Variants in ASIC2 observed in about 807,000 individuals in gnomAD.
ASIC2 encodes the protein acid-sensing ion channel 2.
ASIC2 carries 25 observed loss-of-function variants against 57.3 expected under a neutral mutation model. The observed-to-expected ratio is 0.44, with a 90% CI of 0.32 to 0.61. ASIC2 has a LOEUF of 0.61. Ranked by LOEUF, ASIC2 falls within the 20% of genes least tolerant of loss-of-function variation. The pLI, the probability that ASIC2 is intolerant of heterozygous loss-of-function variation, is 0.06. For missense variants in ASIC2, 641 were observed against 738.1 expected (o/e 0.87, Z 1.52); for synonymous variants, 319 against 307.5 (o/e 1.04, Z -0.39).
rs557384525 is a variant in ASIC2, at chr17:34,087,553, G to A, written c.555+68425C>T. Among the ~76,000 whole-genome samples, 50 of 149,750 alleles carry A rather than the reference G, an allele frequency of 3.3e-4. No homozygotes were observed. In the South Asian group the frequency reaches 6.4e-3, roughly 19 times the overall value. On this transcript the variant is annotated intron_variant, in intron 1 of 9. Transcript: ENST00000359872. ...TCTTCTCGAGGAGTATCTTTGTGGC[G>A]TTCTCTCTATTTCCTGAATCTGAAT...
At chr17:33,594,449 T>TG (rs1428796310) in intron 1 of ASIC2, among the ~76,000 whole-genome samples, 1 of 152,254 alleles carries the variant, frequency 6.6e-6, no homozygotes, top group African/African-American at 2.4e-5. Flanking sequence ...AACATCCTCT[T>TG]GCATTCAGTA....
At chr17:34,102,792 G>A (rs1044226883) in intron 1 of ASIC2, among the ~76,000 whole-genome samples, 4 of 152,106 alleles carry the variant, frequency 2.6e-5, no homozygotes, top group African/African-American at 7.2e-5. Context: ...ATTTTCATAC[G>A]GTACTTTTTG....
chr17:33,202,742 T>G (rs984978337), intron 1 of ASIC2, among the ~76,000 whole-genome samples: 4 of 152,208 alleles, frequency 2.6e-5, no homozygotes, highest in Admixed American at 2.6e-4. Context: ...ATAATGCGGG[T>G]GTCTACATGG....
At chr17:33,201,343 C>G (rs1906851261) in intron 1 of ASIC2, among the ~76,000 whole-genome samples, 1 of 152,146 alleles carries the variant, frequency 6.6e-6, no homozygotes, top group Non-Finnish European at 1.5e-5. Context: ...ACTCCGGCAG[C>G]CCTCCAGTAG....
intron 1 of ASIC2, among the ~76,000 whole-genome samples, chr17:33,847,965 G>A (rs571389005): frequency 6.6e-6 from 1 of 152,222 alleles, no homozygotes; most frequent in East Asian, 1.9e-4. Context: ...CAGGCACTTT[G>A]GGAAGTGAAT....
intron 1 of ASIC2, among the ~76,000 whole-genome samples, chr17:33,392,839 A>G (rs1220887090): frequency 6.6e-6 from 1 of 152,236 alleles, no homozygotes; most frequent in African/African-American, 2.4e-5. Context: ...TTATAGAAGC[A>G]GAGACCATAA....
chr17:34,078,039 G>A (rs1567811762), intron 1 of ASIC2, among the ~76,000 whole-genome samples: 1 of 152,126 alleles, frequency 6.6e-6, no homozygotes, highest in Non-Finnish European at 1.5e-5. Flanking sequence ...TACAGCTTCT[G>A]TCCAGAATGC....
At chr17:33,151,091 G>A (rs1283250844) in intron 1 of ASIC2, among the ~76,000 whole-genome samples, 1 of 151,682 alleles carries the variant, frequency 6.6e-6, no homozygotes, top group African/African-American at 2.4e-5. Flanking sequence ...CACTTTGGGA[G>A]GCTGACGGAT....
Position 33,894,342 on chromosome 17 carries a change from CGTGCGTGCGTGT to C in ASIC2, c.555+261624_555+261635del, listed in dbSNP as rs1387716787. Reference sequence around the variant, plus strand: ...GAGAGAAGCTCTGCGTGCGTGCGTGCGTGCGTGCGTGTGTGTGTGTGTGTGTGTGTGTGTGTG... The same window carrying C: ...GAGAGAAGCTCTGCGTGCGTGCGTGCGTGTGTGTGTGTGTGTGTGTGTGTG... On this transcript the variant is annotated intron_variant, in intron 1 of 9. Coordinates refer to the ASIC2 transcript ENST00000359872. 1.2e-4 allele frequency among the ~76,000 whole-genome samples: 8 copies of C among 65,284 alleles called. No homozygotes were observed. In the South Asian group the frequency reaches 1.2e-3, roughly 10 times the overall value. The allele number at this position is 65,284 out of a possible 152,430, so 42.8% of individuals were successfully genotyped here. A position where few individuals can be genotyped will look rare whatever the true frequency, so the allele number is the denominator to read the frequency against.
intron 1 of ASIC2, among the ~76,000 whole-genome samples, chr17:33,314,428 G>A (rs901388736): frequency 3.9e-5 from 6 of 152,124 alleles, no homozygotes; most frequent in Non-Finnish European, 8.8e-5. Flanking sequence ...CTTGAGATGC[G>A]GATTCCAGCA....
At chr17:33,699,931 C>T (rs1405762201) in intron 1 of ASIC2, among the ~76,000 whole-genome samples, 2 of 152,068 alleles carry the variant, frequency 1.3e-5, no homozygotes, top group African/African-American at 4.8e-5. Flanking sequence ...TAGCCAATTA[C>T]ATAGACTTCT....
chr17:33,271,577 G>C (rs113948632), intron 1 of ASIC2, among the ~76,000 whole-genome samples: 1 of 152,206 alleles, frequency 6.6e-6, no homozygotes, highest in East Asian at 1.9e-4. Context: ...AGTTATTCTT[G>C]AGCCCTGCTT....
chr17:33,638,991 G>A (rs912897613), intron 1 of ASIC2, among the ~76,000 whole-genome samples: 2 of 151,896 alleles, frequency 1.3e-5, no homozygotes, highest in Admixed American at 6.6e-5. Flanking sequence ...ACCCTTTACT[G>A]AATTTTTCCC....
chr17:33,060,361 G>C (rs748048655), intron 3 of ASIC2, among the ~76,000 whole-genome samples: 6 of 152,210 alleles, frequency 3.9e-5, no homozygotes, highest in Non-Finnish European at 8.8e-5. Flanking sequence ...AAGGGATCCA[G>C]TTTCAGCTTT....
intron 1 of ASIC2, among the ~76,000 whole-genome samples, chr17:34,058,712 G>C (rs934483630): frequency 4.6e-5 from 7 of 151,952 alleles, no homozygotes; most frequent in African/African-American, 1.7e-4. Flanking sequence ...CGTTTTCTTT[G>C]TGGGAATGCA....
chr17:33,803,669 A>G (rs2142147850), intron 1 of ASIC2, among the ~76,000 whole-genome samples: 1 of 151,468 alleles, frequency 6.6e-6, no homozygotes, highest in South Asian at 2.1e-4. Flanking sequence ...CCTCTGAAAG[A>G]AAATTCATTT....
At chr17:33,317,363 C>A (rs1209187577) in intron 1 of ASIC2, among the ~76,000 whole-genome samples, 1 of 152,174 alleles carries the variant, frequency 6.6e-6, no homozygotes, top group Admixed American at 6.5e-5. Context: ...GAAACCTCTG[C>A]CTCCAGGTTG....
At chr17:33,699,666 C>A (rs982344570) in intron 1 of ASIC2, among the ~76,000 whole-genome samples, 3 of 152,182 alleles carry the variant, frequency 2.0e-5, no homozygotes, top group Admixed American at 6.5e-5. Context: ...GGTTGGGAAA[C>A]CATGGTCTAC....
chr17:33,125,603 C>A (rs572105181), intron 1 of ASIC2, among the ~76,000 whole-genome samples: 5 of 152,328 alleles, frequency 3.3e-5, no homozygotes, highest in African/African-American at 1.2e-4. Flanking sequence ...TGGACACCAA[C>A]CTCAGGTAGT....
Sources: gnomAD v4.1 joint callset for allele counts (sites outside exome capture counted in the v4.1 genomes callset) on GRCh38, gnomAD v4.1.1 for gene constraint, MANE v1.5 for transcripts, NCBI Gene and HGNC (gene_info 2026-07-23, HGNC 2026-07-21) for gene names.